Variants in BCAP31 observed in about 807,000 individuals in gnomAD.
BCAP31 encodes B cell receptor associated protein 31, also known as B-cell receptor-associated protein 31.
For synonymous variants in BCAP31, 75 were observed against 80.9 expected (o/e 0.93, Z 0.39); for missense variants, 124 against 193.0 (o/e 0.64, Z 2.12).
intron 3 of BCAP31, among the ~76,000 whole-genome samples, chrX:153,715,896 G>A (rs921199098): frequency 8.5e-5 from 9 of 105,774 alleles, no homozygotes; most frequent in Non-Finnish European, 1.4e-4. Flanking sequence ...AGTGGCTCAC[G>A]CCTATAATCT....
At chrX:153,710,988 G>A (rs1299819828) in intron 4 of BCAP31, among the ~76,000 whole-genome samples, 10 of 111,317 alleles carry the variant, frequency 9.0e-5, no homozygotes, top group Non-Finnish European at 1.3e-4. Context: ...TCGACTGCCC[G>A]GAAGCACCCT....
At chrX:153,717,931 T>C (rs1231158709) in intron 3 of BCAP31, among the ~76,000 whole-genome samples, 2 of 112,552 alleles carry the variant, frequency 1.8e-5, no homozygotes, top group African/African-American at 6.5e-5. Flanking sequence ...TGCATAAATT[T>C]GCAATGATTC....
intron 3 of BCAP31, among the ~76,000 whole-genome samples, chrX:153,718,785 G>C (rs781829664): frequency 9.0e-6 from 1 of 111,573 alleles, no homozygotes; most frequent in African/African-American, 3.3e-5. Flanking sequence ...ATGGGGGACT[G>C]AGCAATACTA....
intron 3 of BCAP31, 152 bp from the exon 4 acceptor site, chrX:153,715,841 T>C (rs1241183208): frequency 3.0e-6 from 2 of 667,153 alleles, no homozygotes; most frequent in African/African-American, 4.4e-5. Context: ...CATACACCCC[T>C]CATGGGATGC....
At chrX:153,701,879 T>G in intron 7 of BCAP31, 128 bp downstream of exon 7, 1 of 571,385 alleles carries the variant, frequency 1.8e-6, no homozygotes, top group Non-Finnish European at 2.7e-6. Flanking sequence ...AGGGCAGAGG[T>G]GGCCAGGGGG....
chrX:153,715,196 T>C (rs1157103628), intron 4 of BCAP31, among the ~76,000 whole-genome samples: 1 of 111,722 alleles, frequency 9.0e-6, no homozygotes, highest in Non-Finnish European at 1.9e-5. Context: ...GTCGCTCCCT[T>C]GTGAGCTGGA....
At chrX:153,720,816 T>G in intron 3 of BCAP31, 56 bp downstream of exon 3, 6 of 1,128,683 alleles carry the variant, frequency 5.3e-6, no homozygotes, top group Non-Finnish European at 6.1e-6. Flanking sequence ...CAAAGGGTTT[T>G]GCAGCAGAGA....
chrX:153,723,635 G>T, intron 1 of BCAP31: 1 of 1,164,948 alleles, frequency 8.6e-7, no homozygotes, highest in Non-Finnish European at 1.1e-6. Context: ...CAGTGCCAGG[G>T]CACCAAGAGG....
chrX:153,702,211 C>A, intron 6 of BCAP31, 104 bp from the exon 7 acceptor site: 1 of 679,093 alleles, frequency 1.5e-6, no homozygotes, highest in East Asian at 3.6e-5. Context: ...AAATCTATCT[C>A]AAACGAGGTT....
At chrX:153,722,855 G>C (rs1415127340) in intron 2 of BCAP31, among the ~76,000 whole-genome samples, 2 of 110,341 alleles carry the variant, frequency 1.8e-5, no homozygotes, top group Admixed American at 9.6e-5. Context: ...CGTGGACCAA[G>C]AGTGGGTGGG....
In BCAP31 at chrX:153,700,699, C is replaced by A; in HGVS notation, c.*238G>T. ...GCGTGGAAGCCAAGGCTGTGCCAGG[C>A]CTGGCCAGGCCAAGCAGGATGACAG... On this transcript the variant is annotated 3_prime_UTR_variant, in exon 8 of 8. Transcript: ENST00000345046. 2.8e-6 allele frequency: 1 copy of A among 358,748 alleles called. No individual in the cohort carries two copies. The highest frequency in any genetic ancestry group is 5.0e-5 in the East Asian group (1 of 20,112). 29.6% of individuals were successfully genotyped at this position (358,748 alleles called of 1,213,427 possible).
At position 153,722,484 on chromosome X, in the gene BCAP31, A is replaced by G. The variant is rs1039803771; in HGVS notation, c.92+669T>C. The stretch of plus-strand genomic sequence containing the variant: ...CAACTGTACGAAGGTGTGGTTTTCT[A>G]CAAGAATCCTCCTCAGACAGCACTG... On this transcript the variant is annotated intron_variant, in intron 2 of 7. Transcript: ENST00000345046. Among the ~76,000 whole-genome samples, 8 of 111,944 alleles carry G rather than the reference A, an allele frequency of 7.1e-5. 1 individual carries two copies. The highest frequency in any genetic ancestry group is 2.6e-4 in the African/African-American group (8 of 30,732).
intron 4 of BCAP31, among the ~76,000 whole-genome samples, chrX:153,712,414 AT>A (rs57400680): frequency 0.12 from 2,984 of 24,187 alleles, 52 homozygotes; most frequent in Admixed American, 0.19. Context: ...AAAAAAATAA[AT>A]AAATAAATAA....
intron 4 of BCAP31, among the ~76,000 whole-genome samples, chrX:153,704,433 C>G (rs2091540758): frequency 8.9e-6 from 1 of 112,286 alleles, no homozygotes; most frequent in South Asian, 3.7e-4. Context: ...CAAGCCACAG[C>G]ACCACCTTCC....
At chrX:153,724,041 C>A (rs938991355) in intron 1 of BCAP31, 11 of 338,985 alleles carry the variant, frequency 3.2e-5, no homozygotes, top group Non-Finnish European at 5.6e-5. Flanking sequence ...CCCCAGCGCC[C>A]ACCCAGAGCG....
intron 6 of BCAP31, chrX:153,702,528 G>T (rs782003891): frequency 5.7e-6 from 1 of 176,342 alleles, no homozygotes; most frequent in South Asian, 1.4e-4. Context: ...AAGTCTATGC[G>T]TGGGAGACCA....
At chrX:153,721,422 C>G (rs1557051032) in intron 2 of BCAP31, among the ~76,000 whole-genome samples, 1 of 88,144 alleles carries the variant, frequency 1.1e-5, no homozygotes, top group African/African-American at 4.4e-5. Flanking sequence ...GGTGACAGAG[C>G]GAGACCTTGT....
chrX:153,703,246 C>A (rs1393996144), intron 5 of BCAP31, among the ~76,000 whole-genome samples, 188 bp from the exon 6 acceptor site: 1 of 113,273 alleles, frequency 8.8e-6, no homozygotes, highest in Non-Finnish European at 1.9e-5. Flanking sequence ...GGCTGCCCGC[C>A]GAGGGAAAGA....
chrX:153,707,400 G>C (rs2091562342), intron 4 of BCAP31, among the ~76,000 whole-genome samples: 1 of 110,256 alleles, frequency 9.1e-6, no homozygotes, highest in Non-Finnish European at 1.9e-5. Flanking sequence ...GAGGGCGCGG[G>C]GCTGGGCTTC....
Sources: gnomAD v4.1 joint callset for allele counts (sites outside exome capture counted in the v4.1 genomes callset) on GRCh38, gnomAD v4.1.1 for gene constraint, MANE v1.5 for transcripts, NCBI Gene and HGNC (gene_info 2026-07-23, HGNC 2026-07-21) for gene names.